SERAC1: variants seen among roughly 807,000 people sequenced by gnomAD.
The protein encoded by SERAC1 is protein SERAC1.
In SERAC1, 36 loss-of-function variants were observed where a neutral mutation model predicts 85.7. The observed-to-expected ratio is 0.42, with a 90% confidence interval of 0.32 to 0.55. The LOEUF (loss-of-function observed/expected upper bound fraction) is 0.55, where lower values mean the gene tolerates loss of function less well. Ranked by LOEUF, SERAC1 falls within the 20% of genes least tolerant of loss-of-function variation. SERAC1 has a pLI of 0.11. For missense variants in SERAC1, 629 were observed against 796.2 expected (o/e 0.79, Z 2.53); for synonymous variants, 242 against 265.3 (o/e 0.91, Z 0.85).
chr6:158,145,152 G>A (rs890208923), intron 6 of SERAC1: 1 of 152,246 alleles, frequency 6.6e-6, no homozygotes, highest in African/African-American at 2.4e-5. Context: ...GCTGAGGCAG[G>A]AAAATAGCTT....
At chr6:158,139,965 T>C (rs2128418804) in intron 8 of SERAC1, among the ~76,000 whole-genome samples, 1 of 152,260 alleles carries the variant, frequency 6.6e-6, no homozygotes, top group South Asian at 2.1e-4. Context: ...GAATGTAAAA[T>C]GGTAAAGTCT....
Position 158,116,168 on chromosome 6 carries a change from G to C in SERAC1, c.1501+17C>G, listed in dbSNP as rs1562432823. 6.2e-7 allele frequency: 1 copy of C among 1,604,370 alleles called. No homozygotes were observed. ...AACATCACAATGGCCACTTCACAAA[G>C]TTGAAGCCACACTTACCTCCCATGC... On this transcript the variant is annotated intron_variant, in intron 14 of 16. Coordinates refer to ENST00000647468, the MANE Select transcript of SERAC1 (RefSeq NM_032861.4).
chr6:158,139,336 G>A (rs1028230466), intron 8 of SERAC1, among the ~76,000 whole-genome samples: 1 of 152,072 alleles, frequency 6.6e-6, no homozygotes, highest in Non-Finnish European at 1.5e-5. Context: ...TATACAAAGA[G>A]TTCTTACAAT....
At chr6:158,123,327 T>G (rs764437760) in intron 10 of SERAC1, among the ~76,000 whole-genome samples, 2 of 152,172 alleles carry the variant, frequency 1.3e-5, no homozygotes, top group African/African-American at 4.8e-5. Flanking sequence ...CCTGAGACTG[T>G]GAAAGGAGAC....
intron 10 of SERAC1, among the ~76,000 whole-genome samples, chr6:158,123,658 G>A (rs1406256962): frequency 6.6e-6 from 1 of 152,172 alleles, no homozygotes; most frequent in East Asian, 1.9e-4. Flanking sequence ...ATGATTCCAC[G>A]TTCAGCCACA....
rs542972480 is a variant in SERAC1, at chr6:158,143,403, G to C, written c.610-219C>G. Among the ~76,000 whole-genome samples, 9 of 147,880 alleles carry C rather than the reference G, an allele frequency of 6.1e-5. No individual in the cohort carries two copies. The South Asian group carries it at 1.1e-3, about 18-fold the overall frequency. ...CACACACATATATATATGATATAGA[G>C]ATCTAGGGAAAGAGATATCAGAGAT... On this transcript the variant is annotated intron_variant, in intron 7 of 16. Coordinates refer to ENST00000647468, the MANE Select transcript of SERAC1 (RefSeq NM_032861.4).
rs1362072110 is a variant in SERAC1 at position 158,117,761 on chromosome 6, G to T, written c.1369C>A (p.Leu457Ile). Residue 457 changes from leucine to isoleucine, a missense_variant, in exon 13 of 17, where the codon CTC becomes ATC. Physicochemically the swap from Leu to Ile is conservative, Grantham distance 5. Transcript: ENST00000647468. This position sits in a 1 kb window ranked among gnomAD's most constrained non-coding sequence, Gnocchi z 4.3. Reference sequence around the variant, plus strand: ...GGGCACCTTGCTCTCCAGTCGCTGAGGCTGGTGTCATACTCCACAGATATA... The same window carrying T: ...GGGCACCTTGCTCTCCAGTCGCTGATGCTGGTGTCATACTCCACAGATATA... ...RIISVEYDTS[L>I]SDWRARCPME... The T allele has an allele frequency of 2.5e-6, 4 of 1,614,138 alleles. No homozygotes were observed. The highest frequency in any genetic ancestry group is 3.4e-6 in the Non-Finnish European group (4 of 1,180,010).
chr6:158,109,674 A>T lies in SERAC1; in HGVS notation c.*1692T>A, dbSNP rs1016803656. On this transcript the variant is annotated 3_prime_UTR_variant, in exon 17 of 17. Coordinates refer to ENST00000647468, the MANE Select transcript of SERAC1 (RefSeq NM_032861.4). ...AATTCCACCCAAGAGAATCAAAAAC[A>T]TCTATCCACACATAAATTTGTACAC... 1 of 152,368 alleles carries T rather than the reference A, an allele frequency of 6.6e-6. No homozygotes were observed. Among genetic ancestry groups the T allele is most frequent in the Admixed American group, 6.5e-5 (1 of 15,308 alleles). The allele number at this position is 152,368 out of a possible 1,614,324, so 9.4% of individuals were successfully genotyped here. A position where few individuals can be genotyped will look rare whatever the true frequency, so the allele number is the denominator to read the frequency against.
chr6:158,143,221 C>A, intron 7 of SERAC1, 37 bp from the exon 8 acceptor site: 2 of 1,601,590 alleles, frequency 1.2e-6, no homozygotes, highest in South Asian at 2.2e-5. Context: ...CATAAATACT[C>A]AACAACTGAG....
intron 8 of SERAC1, among the ~76,000 whole-genome samples, chr6:158,139,231 G>GA (rs1784863169): frequency 1.3e-5 from 2 of 152,042 alleles, no homozygotes; most frequent in Non-Finnish European, 2.9e-5. Flanking sequence ...AAAACATTTG[G>GA]GGTGCACAGG....
chr6:158,115,030 G>A, intron 14 of SERAC1, 59 bp from the exon 15 acceptor site: 2 of 1,512,398 alleles, frequency 1.3e-6, no homozygotes, highest in Non-Finnish European at 1.8e-6. Context: ...CTTTATTACT[G>A]TAAAAAAAGA....
intron 8 of SERAC1, among the ~76,000 whole-genome samples, chr6:158,135,562 G>A (rs576086429): frequency 7.9e-5 from 12 of 151,996 alleles, no homozygotes; most frequent in African/African-American, 2.4e-4. Context: ...AAGAATTACC[G>A]GGAAAATTCA....
At chr6:158,137,900 TACTTTTTCAGAAAA>T (rs1357292851) in intron 8 of SERAC1, among the ~76,000 whole-genome samples, 1 of 152,020 alleles carries the variant, frequency 6.6e-6, no homozygotes, top group Non-Finnish European at 1.5e-5. Flanking sequence ...TCATACGAAT[TACTTTTTCAGAAAA>T]ACTTTGGTTA....
chr6:158,114,907 G>T lies in SERAC1; in HGVS notation c.1566C>A (p.Asn522Lys). 6.2e-7 allele frequency: 1 copy of T among 1,613,828 alleles called. No homozygotes were observed. The highest frequency in any genetic ancestry group is 8.5e-7 in the Non-Finnish European group (1 of 1,179,846). The change falls in exon 15 of 17, where the codon AAC (asparagine) becomes AAA (lysine). Residue 522 changes from asparagine (N) to lysine (K), a missense_variant. Asn to Lys is a moderately conservative substitution (Grantham distance 94, BLOSUM62 0). Transcript: ENST00000647468. ...TATAAAAAATTATTCCTCTGGTATT[G>T]TTGATAACAGTACTCATTTCTGGCT... ...STKPEMSTVI[N>K]NTRGIIFYSV...
chr6:158,147,768 C>CAAAAAAAAAAAAAAAA (rs71027383), intron 5 of SERAC1, among the ~76,000 whole-genome samples: 1 of 68,934 alleles, frequency 1.5e-5, no homozygotes, highest in African/African-American at 6.9e-5. Context: ...GGCTCTGTCT[C>CAAAAAAAAAAAAAAAA]AAAAAAAAAA....
In SERAC1 at chr6:158,119,069, G is replaced by T; in HGVS notation, c.1268C>A (p.Pro423His). ...QDSEQAVIEK[P>H]MEDEDRYTTC... Reference sequence around the variant, plus strand: ...CGTATATCTGTCTTCATCCTCCATAGGTTTTTCAATTACAGCCTGCTCACT... The same window carrying T: ...CGTATATCTGTCTTCATCCTCCATATGTTTTTCAATTACAGCCTGCTCACT... Residue 423 changes from proline to histidine, a missense_variant, in exon 12 of 17, where the codon CCT (proline) becomes CAT (histidine). By Grantham distance (77) the Pro-to-His change is moderately conservative. Coordinates refer to ENST00000647468, the MANE Select transcript of SERAC1 (RefSeq NM_032861.4). The surrounding 1 kb of genome is among the most constrained non-coding windows in gnomAD (Gnocchi z 4.5). 6.2e-7 allele frequency: 1 copy of T among 1,613,908 alleles called. No individual in the cohort carries two copies. Among genetic ancestry groups the T allele is most frequent in the Non-Finnish European group, 8.5e-7 (1 of 1,179,898 alleles).
chr6:158,115,753 G>A (rs1305263132), intron 14 of SERAC1, among the ~76,000 whole-genome samples: 1 of 152,184 alleles, frequency 6.6e-6, no homozygotes, highest in African/African-American at 2.4e-5. Flanking sequence ...GGCCTGGTGT[G>A]AGCAGGCACC....
At chr6:158,140,664 G>A (rs965280767) in intron 8 of SERAC1, among the ~76,000 whole-genome samples, 6 of 152,210 alleles carry the variant, frequency 3.9e-5, no homozygotes, top group Admixed American at 6.5e-5. Flanking sequence ...TTGATCAGAA[G>A]CACAGGTCAC....
chr6:158,131,745 T>C (rs1340096559), intron 8 of SERAC1, among the ~76,000 whole-genome samples: 1 of 152,096 alleles, frequency 6.6e-6, no homozygotes, highest in Non-Finnish European at 1.5e-5. Flanking sequence ...ACAGAGATGC[T>C]CACACACAGG....
Sources: allele counts gnomAD v4.1 joint callset (sites outside exome capture counted in the v4.1 genomes callset), GRCh38; gene constraint gnomAD v4.1.1; non-coding constraint Gnocchi (gnomAD v3.1); transcripts MANE v1.5; gene names NCBI Gene and HGNC (gene_info 2026-07-23, HGNC 2026-07-21).